The following EIF4B variants were observed in gnomAD, a reference collection of about 807,000 sequenced individuals.
EIF4B encodes eukaryotic translation initiation factor 4B.
Under a neutral mutation model 79.3 loss-of-function variants are expected in EIF4B, and 8 were observed. That is an observed-to-expected ratio of 0.10 (90% CI 0.06 to 0.18). The LOEUF is 0.18. EIF4B is among the 10% of genes least tolerant of loss of function. The probability of loss-of-function intolerance (pLI) is 1.00; values close to 1 mark genes in which losing one functional copy is unlikely to be tolerated. For missense variants in EIF4B, 515 were observed against 792.4 expected, an observed-to-expected ratio of 0.65 and a Z score of 4.20; for synonymous variants, 238 against 274.7, an observed-to-expected ratio of 0.87 and a Z score of 1.32.
chr12:53,037,787 C>G, intron 11 of EIF4B, 165 bp downstream of exon 11: 1 of 741,764 alleles, frequency 1.3e-6, no homozygotes, highest in Admixed American at 3.0e-5. Context: ...CCTAGTTGTT[C>G]CATTTTCTGG....
rs147829706 is a variant in EIF4B, at chr12:53,040,477, G to A, written c.*254G>A. 4.0e-3 allele frequency: 1,555 copies of A among 384,572 alleles called. 16 individuals carry two copies. Among genetic ancestry groups the A allele is most frequent in the African/African-American group, 0.024 (1,178 of 48,866 alleles). The allele number at this position is 384,572 out of a possible 1,614,324, so 23.8% of individuals were successfully genotyped here. Reference sequence around the variant, plus strand: ...CTTTTTAGAGGAAAAGTTGTGGTGCGTTATGTCACCATGCAGTTGCCAGTG... The same window carrying A: ...CTTTTTAGAGGAAAAGTTGTGGTGCATTATGTCACCATGCAGTTGCCAGTG... On this transcript the variant is annotated 3_prime_UTR_variant, in exon 15 of 15. Transcript: ENST00000262056.
At chr12:53,007,190 G>T (rs1395261092) in intron 1 of EIF4B, among the ~76,000 whole-genome samples, 5 of 152,176 alleles carry the variant, frequency 3.3e-5, no homozygotes, top group Admixed American at 6.6e-5. Context: ...GGGTGTGTGT[G>T]TTAGCCTTGG....
intron 3 of EIF4B, among the ~76,000 whole-genome samples, chr12:53,019,450 CT>C (rs71095966): frequency 0.013 from 833 of 65,980 alleles, 3 homozygotes; most frequent in Non-Finnish European, 0.017. Flanking sequence ...TTTTTTTTTT[CT>C]TTTTTTTTTT....
Position 53,034,672 on chromosome 12 carries a change from G to GTCA in EIF4B, c.1273_1275dup (p.Ser425dup). The GTCA allele has an allele frequency of 6.2e-7, 1 of 1,614,020 alleles. No individual in the cohort carries two copies. ...GGGAACGGTCGAGGACAGGAAGTGA[G>GTCA]TCATCACAAACTGGGACCTCCACCA... On this transcript the variant is annotated inframe_insertion, in exon 10 of 15. Coordinates refer to ENST00000262056, the MANE Select transcript of EIF4B (RefSeq NM_001417.7).
chr12:53,037,973 A>G (rs940220723), intron 11 of EIF4B: 15 of 301,456 alleles, frequency 5.0e-5, no homozygotes, highest in Admixed American at 4.9e-4. Flanking sequence ...TAGCAACACT[A>G]TTAGCCTGGC....
intron 6 of EIF4B, among the ~76,000 whole-genome samples, chr12:53,025,803 G>C (rs1234552030): frequency 6.6e-6 from 1 of 152,102 alleles, no homozygotes; most frequent in African/African-American, 2.4e-5. Context: ...TTAAAAGACA[G>C]CAGCCACAAG....
At chr12:53,039,512 A>G in intron 13 of EIF4B, 118 bp from the exon 14 acceptor site, 1 of 1,299,380 alleles carries the variant, frequency 7.7e-7, no homozygotes, top group Non-Finnish European at 1.1e-6. Context: ...CATCATCCAG[A>G]CAACAAGGAC....
At chr12:53,029,901 A>G (rs945534505) in intron 8 of EIF4B, among the ~76,000 whole-genome samples, 8 of 143,068 alleles carry the variant, frequency 5.6e-5, no homozygotes, top group Non-Finnish European at 1.1e-4. Context: ...TCAAAATAAT[A>G]ATAATAATTC....
In EIF4B at chr12:53,013,186, A is replaced by G. The variant is rs150629171; in HGVS notation, c.14-3287A>G. ...TCTGCTGTTTTGGTAGAAGATACGT[A>G]TATAGAACAAAGAGGAAAGGGATAC... On this transcript the variant is annotated intron_variant, in intron 1 of 14. Coordinates refer to ENST00000262056, the MANE Select transcript of EIF4B (RefSeq NM_001417.7). 2.0e-5 allele frequency among the ~76,000 whole-genome samples: 3 copies of G among 152,330 alleles called. No individual in the cohort carries two copies. The East Asian group carries it at 5.8e-4, about 29-fold the overall frequency.
chr12:53,035,958 C>T (rs1943533345), intron 10 of EIF4B, among the ~76,000 whole-genome samples: 2 of 8,966 alleles, frequency 2.2e-4, no homozygotes, highest in East Asian at 3.5e-3. Context: ...GATGGGATTA[C>T]AGGTGAGCGC....
At chr12:53,023,419 G>C (rs949078150) in intron 6 of EIF4B, among the ~76,000 whole-genome samples, 4 of 151,784 alleles carry the variant, frequency 2.6e-5, no homozygotes, top group Admixed American at 2.0e-4. Context: ...TTTTAGTAGA[G>C]ATGGGGTTTC....
intron 4 of EIF4B, among the ~76,000 whole-genome samples, chr12:53,021,552 AATTCT>A (rs1283724749): frequency 6.6e-6 from 1 of 152,254 alleles, no homozygotes; most frequent in African/African-American, 2.4e-5. Context: ...TTAAAAAGTT[AATTCT>A]ATTCTGTGAA....
chr12:53,039,867 T>C (rs1273868932), intron 14 of EIF4B, 165 bp downstream of exon 14: 9 of 808,968 alleles, frequency 1.1e-5, no homozygotes, highest in Middle Eastern at 3.6e-4. Context: ...TGGTCTTTAC[T>C]GAAATAGCGA....
At chr12:53,037,921 CTTCCT>C in intron 11 of EIF4B, 1 of 391,638 alleles carries the variant, frequency 2.6e-6, no homozygotes. Context: ...TAGGGGGTAA[CTTCCT>C]TTCATTTCTC....
At chr12:53,018,732 C>G in intron 2 of EIF4B, 66 bp from the exon 3 acceptor site, 1 of 1,578,858 alleles carries the variant, frequency 6.3e-7, no homozygotes, top group African/African-American at 1.3e-5. Flanking sequence ...AACATGGGTC[C>G]TCTTGTTCTA....
In EIF4B at chr12:53,041,133, T is replaced by C. The variant is rs1480021454; in HGVS notation, c.*910T>C. 1 of 152,206 alleles carries C rather than the reference T, an allele frequency of 6.6e-6. No individual in the cohort carries two copies. The highest frequency in any genetic ancestry group is 1.5e-5 in the Non-Finnish European group (1 of 68,046). The allele number at this position is 152,206 out of a possible 1,614,324, so 9.4% of individuals were successfully genotyped here. A position where few individuals can be genotyped will look rare whatever the true frequency, so the allele number is the denominator to read the frequency against. On this transcript the variant is annotated 3_prime_UTR_variant, in exon 15 of 15. Coordinates refer to ENST00000262056, the MANE Select transcript of EIF4B (RefSeq NM_001417.7). ...CTAAAAATTTAGACTCTTATCATCA[T>C]CTTAAGTTCTTCATGCTACTCTTAA...
chr12:53,032,101 T>G (rs1466950250), intron 8 of EIF4B, among the ~76,000 whole-genome samples: 1 of 152,172 alleles, frequency 6.6e-6, no homozygotes. Context: ...CTTTGCCCCA[T>G]GAACCACCTG....
Position 53,041,420 on chromosome 12 carries a change from T to C in EIF4B, c.*1197T>C, listed in dbSNP as rs1011251224. On this transcript the variant is annotated 3_prime_UTR_variant, in exon 15 of 15. Coordinates refer to ENST00000262056, the MANE Select transcript of EIF4B (RefSeq NM_001417.7). ...CTTTCTTACAACCTTGATGGGATTT[T>C]TCCCCCCAAGTTTCCTTCTCCACTG... is the stretch of plus-strand genomic sequence containing the variant. The C allele has an allele frequency of 6.6e-6, 1 of 152,190 alleles. No homozygotes were observed. The highest frequency in any genetic ancestry group is 6.5e-5 in the Admixed American group (1 of 15,270). The allele number at this position is 152,190 out of a possible 1,614,324, so 9.4% of individuals were successfully genotyped here.
intron 8 of EIF4B, among the ~76,000 whole-genome samples, chr12:53,028,390 A>G (rs552041123): frequency 5.9e-5 from 9 of 152,148 alleles, no homozygotes; most frequent in African/African-American, 2.2e-4. Flanking sequence ...ATCCTGGCTA[A>G]TGGTGAAACC....
Sources: gnomAD v4.1 joint callset for allele counts (sites outside exome capture counted in the v4.1 genomes callset) on GRCh38, gnomAD v4.1.1 for gene constraint, MANE v1.5 for transcripts, NCBI Gene and HGNC (gene_info 2026-07-23, HGNC 2026-07-21) for gene names.